ABCG1: variants seen among roughly 807,000 people sequenced by gnomAD.
The protein encoded by ABCG1 is ATP binding cassette subfamily G member 1.
ABCG1 carries 29 observed loss-of-function variants against 69.2 expected under a neutral mutation model. The ratio of observed to expected loss-of-function variants is 0.42; its 90% CI spans 0.31 to 0.57. ABCG1 has a LOEUF of 0.57. Ranked by LOEUF, ABCG1 falls within the 20% of genes least tolerant of loss-of-function variation. The probability of loss-of-function intolerance (pLI) is 0.15; values close to 1 mark genes in which losing one functional copy is unlikely to be tolerated. For synonymous variants in ABCG1, 370 were observed against 374.8 expected (o/e 0.99, Z 0.15); for missense variants, 718 against 898.1 (o/e 0.80, Z 2.56).
intron 2 of ABCG1, among the ~76,000 whole-genome samples, chr21:42,267,715 A>G (rs879929203): frequency 0.071 from 2,244 of 31,564 alleles, no homozygotes; most frequent in Middle Eastern, 0.11. Flanking sequence ...TCTGAGTTCT[A>G]TCTGGGTCTG....
chr21:42,292,138 T>G (rs2069075238), intron 13 of ABCG1, among the ~76,000 whole-genome samples: 1 of 151,820 alleles, frequency 6.6e-6, no homozygotes, highest in South Asian at 2.1e-4. Context: ...GCCGCCCACA[T>G]GCACCTGCAG....
chr21:42,262,757 C>T (rs116777174), intron 2 of ABCG1, among the ~76,000 whole-genome samples: 3 of 152,182 alleles, frequency 2.0e-5, no homozygotes, highest in Middle Eastern at 3.2e-3. Flanking sequence ...GCTGACCTAC[C>T]GTGTGACCTT....
At chr21:42,202,040 T>C (rs186055615) in intron 2 of ABCG1, among the ~76,000 whole-genome samples, 299 of 152,166 alleles carry the variant, frequency 2.0e-3, no homozygotes, top group African/African-American at 7.0e-3. Flanking sequence ...CGCAGTGTCC[T>C]GCTGAGTGTG....
chr21:42,267,451 G>C (rs1439259909), intron 2 of ABCG1, among the ~76,000 whole-genome samples: 19 of 149,760 alleles, frequency 1.3e-4, no homozygotes, highest in Admixed American at 1.1e-3. Context: ...TCCGAGTTCT[G>C]TCTGGGTCTG....
chr21:42,276,667 C>A lies in ABCG1; in HGVS notation c.538-228C>A. 1 of 490,710 alleles carries A rather than the reference C, an allele frequency of 2.0e-6. No homozygotes were observed. The highest frequency in any genetic ancestry group is 3.6e-6 in the Non-Finnish European group (1 of 274,780). The allele number at this position is 490,710 out of a possible 1,614,324, so 30.4% of individuals were successfully genotyped here. ...TGCACCGTGGCTAGTGGCCTTATGC[C>A]TAGCTGCACTGTGGATAGCTGCACC... On this transcript the variant is annotated intron_variant, in intron 4 of 14. Coordinates refer to ENST00000398449, the MANE Select transcript of ABCG1 (RefSeq NM_016818.3). The surrounding 1 kb of genome is among the most constrained non-coding windows in gnomAD (Gnocchi z 5.3).
At chr21:42,256,587 A>G in intron 2 of ABCG1, 1 of 1,524,806 alleles carries the variant, frequency 6.6e-7, no homozygotes, top group South Asian at 1.2e-5. Context: ...CATGAAGAGA[A>G]AGCAGTTCTC....
chr21:42,285,068 C>A (rs1055740544), intron 7 of ABCG1, among the ~76,000 whole-genome samples: 9 of 152,042 alleles, frequency 5.9e-5, no homozygotes, highest in Admixed American at 5.9e-4. Flanking sequence ...TCCTGGTGGT[C>A]GGTCATGGGA....
At chr21:42,249,932 G>A (rs529573928) in intron 2 of ABCG1, among the ~76,000 whole-genome samples, 86 of 151,900 alleles carry the variant, frequency 5.7e-4, no homozygotes, top group Non-Finnish European at 1.1e-3. Context: ...TTGAACCTGG[G>A]AGGCGGAGGT....
chr21:42,231,052 G>C (rs1010606807), intron 2 of ABCG1, among the ~76,000 whole-genome samples: 2 of 152,250 alleles, frequency 1.3e-5, no homozygotes, highest in African/African-American at 4.8e-5. Context: ...TGCCTTGGCT[G>C]TAAACTGATG....
At chr21:42,205,041 A>G (rs998016530) in intron 2 of ABCG1, among the ~76,000 whole-genome samples, 1 of 150,838 alleles carries the variant, frequency 6.6e-6, no homozygotes, top group Non-Finnish European at 1.5e-5. Flanking sequence ...TGAGTTTTCA[A>G]AACTAAATTC....
At chr21:42,293,337 TA>T (rs1157494578) in intron 13 of ABCG1, among the ~76,000 whole-genome samples, 1 of 63,648 alleles carries the variant, frequency 1.6e-5, no homozygotes, top group Non-Finnish European at 3.1e-5. Flanking sequence ...CACACCACAC[TA>T]CACACTACCC....
At chr21:42,207,388 A>G (rs1225844799) in intron 2 of ABCG1, among the ~76,000 whole-genome samples, 1 of 152,174 alleles carries the variant, frequency 6.6e-6, no homozygotes, top group Admixed American at 6.5e-5. Flanking sequence ...AGTTTTTAAT[A>G]TTGGTAATCC....
chr21:42,220,413 G>A (rs1364070054), intron 1 of ABCG1, among the ~76,000 whole-genome samples: 1 of 150,844 alleles, frequency 6.6e-6, no homozygotes, highest in Non-Finnish European at 1.5e-5. Flanking sequence ...CTTGCCTTGA[G>A]CTCAAGAGAA....
At chr21:42,211,062 C>T (rs901478160) in intron 2 of ABCG1, among the ~76,000 whole-genome samples, 1 of 151,600 alleles carries the variant, frequency 6.6e-6, no homozygotes, top group Non-Finnish European at 1.5e-5. Context: ...CAGGTTCATG[C>T]CATTCTCCTG....
chr21:42,262,093 G>A (rs985577035), intron 2 of ABCG1, among the ~76,000 whole-genome samples: 1 of 152,182 alleles, frequency 6.6e-6, no homozygotes, highest in South Asian at 2.1e-4. Flanking sequence ...GGACTGGGGG[G>A]TTAATGGTTC....
chr21:42,247,917 G>A (rs2068157073), intron 2 of ABCG1, among the ~76,000 whole-genome samples: 1 of 152,138 alleles, frequency 6.6e-6, no homozygotes, highest in Non-Finnish European at 1.5e-5. Flanking sequence ...CGCAAGGAAG[G>A]ACCCTCCCCT....
chr21:42,216,808 G>A (rs1250644554), upstream of ABCG1, among the ~76,000 whole-genome samples: 1 of 152,218 alleles, frequency 6.6e-6, no homozygotes, highest in Non-Finnish European at 1.5e-5. Context: ...GCTACTGTTG[G>A]CTTCTTTCCC....
chr21:42,215,833 A>G (rs2067633687), upstream of ABCG1, among the ~76,000 whole-genome samples: 3 of 152,216 alleles, frequency 2.0e-5, no homozygotes, highest in Admixed American at 2.0e-4. Flanking sequence ...AGTCAGGGTG[A>G]TAGGGAGTCC....
chr21:42,227,494 C>T (rs901851853), intron 2 of ABCG1, among the ~76,000 whole-genome samples: 2 of 152,124 alleles, frequency 1.3e-5, no homozygotes, highest in African/African-American at 4.8e-5. Flanking sequence ...GTTGTCATGA[C>T]AGTAGAAAAT....
Sources: gnomAD v4.1 joint callset for allele counts (sites outside exome capture counted in the v4.1 genomes callset) on GRCh38, gnomAD v4.1.1 for gene constraint, Gnocchi (gnomAD v3.1) non-coding constraint, MANE v1.5 for transcripts, NCBI Gene and HGNC (gene_info 2026-07-23, HGNC 2026-07-21) for gene names.